The following MYO7B variants were observed in gnomAD, a reference collection of about 807,000 sequenced individuals.
MYO7B encodes the protein unconventional myosin-VIIb.
A neutral mutation model predicts 259.7 loss-of-function variants in MYO7B; 212 were observed. The observed-to-expected ratio is 0.82, with a 90% CI of 0.73 to 0.91. MYO7B has a LOEUF of 0.91. Among genes scored for constraint, MYO7B ranks in the 40% least tolerant of loss-of-function variants. MYO7B has a pLI of 0.00. For synonymous variants in MYO7B, 1,197 were observed against 1,166.4 expected (o/e 1.03, Z -0.54); for missense variants, 2,732 against 2,813.5 (o/e 0.97, Z 0.66).
intron 2 of MYO7B, among the ~76,000 whole-genome samples, chr2:127,561,477 T>C (rs1454269773): frequency 6.6e-6 from 1 of 152,054 alleles, no homozygotes; most frequent in Non-Finnish European, 1.5e-5. Context: ...CAAGCTTGTC[T>C]CGAACTCCTG....
intron 11 of MYO7B, 113 bp downstream of exon 11, chr2:127,582,123 CT>C: frequency 2.0e-6 from 3 of 1,527,010 alleles, no homozygotes; most frequent in Non-Finnish European, 2.7e-6. Context: ...GGTCCCCACT[CT>C]GCCAGTCACC....
chr2:127,579,828 C>T (rs1050896262), intron 9 of MYO7B, among the ~76,000 whole-genome samples: 5 of 152,192 alleles, frequency 3.3e-5, no homozygotes, highest in Admixed American at 2.6e-4. Flanking sequence ...TCAGGTGATC[C>T]TTCTGCTTCA....
chr2:127,621,976 C>T lies in MYO7B; in HGVS notation c.3526-6C>T, dbSNP rs756925366. Reference sequence around the variant, plus strand: ...CTTCCTCCCTTCTCCCCTCCTCACCCACCAGTATCTACTGAACTTCATCGG... The same window carrying T: ...CTTCCTCCCTTCTCCCCTCCTCACCTACCAGTATCTACTGAACTTCATCGG... On this transcript the variant is annotated splice_polypyrimidine_tract_variant and splice_region_variant and intron_variant, in intron 27 of 47. Coordinates refer to ENST00000409816, the MANE Select transcript of MYO7B (RefSeq NM_001393586.1). The T allele has an allele frequency of 1.4e-5, 21 of 1,551,754 alleles. No individual in the cohort carries two copies. In the South Asian group the frequency reaches 2.5e-4, roughly 18 times the overall value.
intron 1 of MYO7B, among the ~76,000 whole-genome samples, chr2:127,541,990 T>G (rs544450620): frequency 3.9e-4 from 60 of 152,342 alleles, no homozygotes; most frequent in African/African-American, 1.2e-3. Flanking sequence ...CTGTGCCCAC[T>G]GGGAGAAGAC....
intron 39 of MYO7B, 108 bp from the exon 40 acceptor site, chr2:127,633,150 G>C: frequency 2.4e-6 from 2 of 844,826 alleles, no homozygotes; most frequent in South Asian, 1.7e-5. Flanking sequence ...GATGGTCACT[G>C]GGGTTTTCTT....
chr2:127,564,162 G>A lies in MYO7B; in HGVS notation c.28G>A (p.Val10Met), dbSNP rs375126214. 23 of 1,564,202 alleles carry A rather than the reference G, an allele frequency of 1.5e-5. No homozygotes were observed. Among genetic ancestry groups the A allele is most frequent in the South Asian group, 2.4e-5 (2 of 84,640 alleles). The change falls in exon 3 of 48, where the codon GTG becomes ATG. Residue 10 changes from valine to methionine, a missense_variant. By Grantham distance (21) the Val-to-Met change is conservative (BLOSUM62 1). Coordinates refer to ENST00000409816, the MANE Select transcript of MYO7B (RefSeq NM_001393586.1). MSGFRLGDH[V>M]WLEPPSTHKT... ...TCTGTCTGCCCTCCAGGGTGACCAC[G>A]TGTGGCTGGAGCCTCCCTCCACCCA... is the stretch of plus-strand genomic sequence containing the variant.
rs934065412 is a variant in MYO7B, at chr2:127,614,152, C to T, written c.3398+1549C>T. 6.6e-6 allele frequency among the ~76,000 whole-genome samples: 1 copy of T among 152,126 alleles called. No homozygotes were observed. Among genetic ancestry groups the T allele is most frequent in the African/African-American group, 2.4e-5 (1 of 41,448 alleles). On this transcript the variant is annotated intron_variant, in intron 26 of 47. Coordinates refer to ENST00000409816, the MANE Select transcript of MYO7B (RefSeq NM_001393586.1). This position sits in a 1 kb window ranked among gnomAD's most constrained non-coding sequence, Gnocchi z 4.6. Reference sequence around the variant, plus strand: ...ATGGCAGACACATAAAAGCTATATTCGAATGATGTGTACTTTGGGTTCTTC... The same window carrying T: ...ATGGCAGACACATAAAAGCTATATTTGAATGATGTGTACTTTGGGTTCTTC...
chr2:127,553,671 G>T (rs1693535378), intron 1 of MYO7B, among the ~76,000 whole-genome samples: 1 of 152,168 alleles, frequency 6.6e-6, no homozygotes, highest in Non-Finnish European at 1.5e-5. Context: ...AATCTTTAGG[G>T]TTTGCTAGAT....
intron 5 of MYO7B, among the ~76,000 whole-genome samples, chr2:127,568,312 G>A (rs971572711): frequency 1.3e-5 from 2 of 152,242 alleles, no homozygotes; most frequent in African/African-American, 4.8e-5. Flanking sequence ...GTGTGAACAA[G>A]GAGAGGAAAG....
chr2:127,593,390 C>T (rs4662744), intron 17 of MYO7B, among the ~76,000 whole-genome samples, 156 bp from the exon 18 acceptor site: 88,743 of 151,814 alleles, frequency 0.58, 27,505 homozygotes, highest in African/African-American at 0.77. Context: ...ACCCCAACCC[C>T]TATTCGAGGT....
At chr2:127,549,754 C>T (rs899915341) in intron 1 of MYO7B, among the ~76,000 whole-genome samples, 10 of 152,008 alleles carry the variant, frequency 6.6e-5, no homozygotes, top group South Asian at 4.2e-4. Context: ...GAGTTGGAGA[C>T]GCTAATTTGG....
chr2:127,558,925 C>A (rs998147974), intron 1 of MYO7B, among the ~76,000 whole-genome samples: 2 of 152,184 alleles, frequency 1.3e-5, no homozygotes, highest in African/African-American at 4.8e-5. Context: ...TGAAAGACTA[C>A]AAATTGGGTT....
chr2:127,631,414 C>T (rs1681501740), intron 37 of MYO7B, 51 bp downstream of exon 37: 4 of 1,576,076 alleles, frequency 2.5e-6, no homozygotes, highest in Non-Finnish European at 3.5e-6. Flanking sequence ...AGGGCAGAGG[C>T]ACCCAGCACA....
intron 43 of MYO7B, 94 bp downstream of exon 43, chr2:127,635,320 C>T: frequency 1.6e-6 from 2 of 1,218,680 alleles, no homozygotes; most frequent in Non-Finnish European, 2.3e-6. Flanking sequence ...AGGGCAGGGC[C>T]AGCCTCAGCC....
At position 127,627,966 on chromosome 2, in the gene MYO7B, G is replaced by C. The variant is rs879034288; in HGVS notation, c.4461-406G>C. On this transcript the variant is annotated intron_variant, in intron 33 of 47. Coordinates refer to ENST00000409816, the MANE Select transcript of MYO7B (RefSeq NM_001393586.1). This position sits in a 1 kb window ranked among gnomAD's most constrained non-coding sequence, Gnocchi z 5.6. ...TGCTGGGCACTTTCCTGTATGCCAC[G>C]AAGTACCGACAGCATCACCCATTCT... 4.3e-6 allele frequency: 2 copies of C among 465,076 alleles called. No individual in the cohort carries two copies. Among genetic ancestry groups the C allele is most frequent in the Admixed American group, 4.7e-5 (2 of 42,806 alleles). The allele number at this position is 465,076 out of a possible 1,614,324, so 28.8% of individuals were successfully genotyped here.
rs1478827352 is a variant in MYO7B, at chr2:127,627,434, A to G, written c.4460+124A>G. 1 of 1,335,554 alleles carries G rather than the reference A, an allele frequency of 7.5e-7. No homozygotes were observed. The highest frequency in any genetic ancestry group is 1.8e-4 in the Middle Eastern group (1 of 5,540). The allele number at this position is 1,335,554 out of a possible 1,614,324, so 82.7% of individuals were successfully genotyped here. On this transcript the variant is annotated intron_variant, in intron 33 of 47. Transcript: ENST00000409816. This position sits in a 1 kb window ranked among gnomAD's most constrained non-coding sequence, Gnocchi z 5.6. ...GGGTAACAGGCCGGGGTGGAGGGACAAGAATCTACGTATGCGATGGCTTCT... is the reference window on the plus strand; with the variant it reads ...GGGTAACAGGCCGGGGTGGAGGGACGAGAATCTACGTATGCGATGGCTTCT...
intron 7 of MYO7B, among the ~76,000 whole-genome samples, chr2:127,575,415 C>T (rs1296398715): frequency 6.6e-6 from 1 of 151,820 alleles, no homozygotes; most frequent in Non-Finnish European, 1.5e-5. Flanking sequence ...AGGTGAGAAA[C>T]AAGGCCTGCC....
At chr2:127,544,235 T>C (rs1483468641) in intron 1 of MYO7B, among the ~76,000 whole-genome samples, 1 of 152,080 alleles carries the variant, frequency 6.6e-6, no homozygotes, top group Non-Finnish European at 1.5e-5. Context: ...CACCACCATG[T>C]CCAACTAATA....
chr2:127,635,006 G>A lies in MYO7B; in HGVS notation c.5714-114G>A. 3.7e-6 allele frequency: 3 copies of A among 808,382 alleles called. No individual in the cohort carries two copies. In the South Asian group the frequency reaches 4.6e-5, roughly 12 times the overall value. 50.1% of individuals were successfully genotyped at this position (808,382 alleles called of 1,614,324 possible). A position where few individuals can be genotyped will look rare whatever the true frequency, so the allele number is the denominator to read the frequency against. ...AAATGTGGGGACTGGGGAGGAAGAA[G>A]CGTGGGGGCTTTCGAGGCAGGGAGG... On this transcript the variant is annotated intron_variant, in intron 42 of 47. Transcript: ENST00000409816.
Sources: gnomAD v4.1 joint callset for allele counts (sites outside exome capture counted in the v4.1 genomes callset) on GRCh38, gnomAD v4.1.1 for gene constraint, Gnocchi (gnomAD v3.1) non-coding constraint, MANE v1.5 for transcripts, NCBI Gene and HGNC (gene_info 2026-07-23, HGNC 2026-07-21) for gene names.